The following ARHGAP26 variants were observed in gnomAD, a reference collection of about 807,000 sequenced individuals.
The protein encoded by ARHGAP26 is Rho GTPase activating protein 26.
In ARHGAP26, 38 loss-of-function variants were observed where a neutral mutation model predicts 104.8. That is an observed-to-expected ratio of 0.36 (90% CI 0.28 to 0.48). ARHGAP26 has a LOEUF of 0.48. Among genes scored for constraint, ARHGAP26 ranks in the 20% least tolerant of loss-of-function variants. The pLI is 0.99. For missense variants in ARHGAP26, 704 were observed against 947.9 expected, an observed-to-expected ratio of 0.74 and a Z score of 3.38; for synonymous variants, 341 against 340.0, an observed-to-expected ratio of 1.00 and a Z score of -0.03.
chr5:142,812,424 C>T (rs193148432), intron 1 of ARHGAP26, among the ~76,000 whole-genome samples: 119 of 151,982 alleles, frequency 7.8e-4, no homozygotes, highest in South Asian at 3.7e-3. Context: ...GCAACCTCTG[C>T]CTCCTTGGGT....
intron 12 of ARHGAP26, among the ~76,000 whole-genome samples, chr5:143,017,241 C>T (rs1021661623): frequency 2.0e-5 from 3 of 152,184 alleles, no homozygotes; most frequent in Non-Finnish European, 4.4e-5. Flanking sequence ...TTTCTGAATT[C>T]GTTTGCTTTC....
chr5:142,807,741 A>G (rs1181412592), intron 1 of ARHGAP26, among the ~76,000 whole-genome samples: 1 of 152,094 alleles, frequency 6.6e-6, no homozygotes, highest in Non-Finnish European at 1.5e-5. Context: ...CCTGGTGCTC[A>G]TGGGTATCAG....
intron 20 of ARHGAP26, among the ~76,000 whole-genome samples, chr5:143,164,323 T>G (rs1801657931): frequency 6.6e-6 from 1 of 152,234 alleles, no homozygotes; most frequent in African/African-American, 2.4e-5. Context: ...CAAATTTTCA[T>G]GCAATACCCA....
intron 1 of ARHGAP26, chr5:142,771,306 A>C (rs923607309): frequency 1.6e-6 from 2 of 1,234,358 alleles, no homozygotes; most frequent in African/African-American, 3.1e-5. Context: ...AGAGTTGCTC[A>C]GCCTTGAGTG....
rs1053549557 is a variant in ARHGAP26 at position 143,227,602 on chromosome 5, T to C, written c.*5156T>C. 22 of 229,320 alleles carry C rather than the reference T, an allele frequency of 9.6e-5. No homozygotes were observed. Among genetic ancestry groups the C allele is most frequent in the African/African-American group, 4.4e-4 (20 of 45,202 alleles). The allele number at this position is 229,320 out of a possible 1,614,324, so 14.2% of individuals were successfully genotyped here. A position where few individuals can be genotyped will look rare whatever the true frequency, so the allele number is the denominator to read the frequency against. ...AAGACTCCAACAAGTAATAATTAGC[T>C]TTTTTTCTCCTGCCGCCTACAGTAC... On this transcript the variant is annotated 3_prime_UTR_variant, in exon 23 of 23. Transcript: ENST00000645722.
At position 143,197,803 on chromosome 5, in the gene ARHGAP26, A is replaced by G. The variant is rs1434169709; in HGVS notation, c.1989-9395A>G. ...ATAATCCATCTGGAACACATTTGTT[A>G]TGTATGGTGTGAGGTAGGGGATTCT... On this transcript the variant is annotated intron_variant, in intron 20 of 22. Transcript: ENST00000645722. 5.3e-5 allele frequency among the ~76,000 whole-genome samples: 8 copies of G among 152,302 alleles called. No individual in the cohort carries two copies. The Middle Eastern group carries it at 0.01, about 194-fold the overall frequency.
intron 20 of ARHGAP26, among the ~76,000 whole-genome samples, chr5:143,194,451 C>T (rs1229114416): frequency 3.9e-5 from 6 of 152,044 alleles, no homozygotes; most frequent in African/African-American, 7.2e-5. Flanking sequence ...ATTTGAATTT[C>T]GAAATGTTCA....
intron 11 of ARHGAP26, among the ~76,000 whole-genome samples, chr5:142,954,447 A>C (rs1768882154): frequency 6.6e-6 from 1 of 152,214 alleles, no homozygotes; most frequent in African/African-American, 2.4e-5. Flanking sequence ...GATGAATTAC[A>C]CTTCCCACGC....
chr5:143,006,316 C>CTGTTTTTTTT (rs772059084), intron 11 of ARHGAP26, among the ~76,000 whole-genome samples: 3 of 112,854 alleles, frequency 2.7e-5, no homozygotes, highest in Non-Finnish European at 3.8e-5. Context: ...AGTGTTTTTT[C>CTGTTTTTTTT]TTTTTTTTTT....
chr5:142,834,241 C>T (rs1769106415), intron 1 of ARHGAP26, among the ~76,000 whole-genome samples: 1 of 152,214 alleles, frequency 6.6e-6, no homozygotes, highest in Non-Finnish European at 1.5e-5. Context: ...AGTGAATACA[C>T]TTATGTAATG....
chr5:142,824,203 C>T (rs1378981212), intron 1 of ARHGAP26, among the ~76,000 whole-genome samples: 1 of 152,132 alleles, frequency 6.6e-6, no homozygotes, highest in Non-Finnish European at 1.5e-5. Context: ...ACAGCTGTGT[C>T]CTGGGATGTT....
intron 1 of ARHGAP26, among the ~76,000 whole-genome samples, chr5:142,844,854 CA>C (rs550211748): frequency 0.031 from 2,507 of 80,526 alleles, 12 homozygotes; most frequent in Non-Finnish European, 0.038. Context: ...GACTGCGTCT[CA>C]AAAAAAAAAA....
chr5:143,073,433 G>A (rs1050166829), intron 17 of ARHGAP26, among the ~76,000 whole-genome samples: 5 of 152,126 alleles, frequency 3.3e-5, no homozygotes, highest in African/African-American at 9.7e-5. Flanking sequence ...GTAAAGGAAT[G>A]GGTCAGCCCA....
intron 20 of ARHGAP26, among the ~76,000 whole-genome samples, chr5:143,180,557 A>G (rs2151186368): frequency 1.3e-5 from 2 of 152,326 alleles, no homozygotes; most frequent in Middle Eastern, 6.8e-3. Flanking sequence ...GGTTTAATTG[A>G]CTTACAGTTC....
intron 18 of ARHGAP26, among the ~76,000 whole-genome samples, chr5:143,126,956 C>T (rs1009748351): frequency 6.6e-6 from 1 of 152,168 alleles, no homozygotes; most frequent in African/African-American, 2.4e-5. Context: ...ATGGTTAAAG[C>T]AACCAATATT....
intron 5 of ARHGAP26, among the ~76,000 whole-genome samples, chr5:142,886,700 G>C (rs1321465838): frequency 3.9e-5 from 6 of 151,916 alleles, no homozygotes; most frequent in Admixed American, 3.9e-4. Context: ...CTTGTCAAAT[G>C]TGATTGAAAA....
intron 11 of ARHGAP26, among the ~76,000 whole-genome samples, chr5:142,943,281 C>G (rs1204388708): frequency 6.6e-6 from 1 of 152,182 alleles, no homozygotes; most frequent in Non-Finnish European, 1.5e-5. Context: ...TCCCTGCTGT[C>G]TTAATCCATT....
At chr5:143,193,028 G>A (rs184392387) in intron 20 of ARHGAP26, among the ~76,000 whole-genome samples, 12 of 152,112 alleles carry the variant, frequency 7.9e-5, no homozygotes, top group Admixed American at 6.6e-4. Flanking sequence ...AATATTAAAT[G>A]AAAAATTATA....
At chr5:142,855,649 C>T (rs941577995) in intron 1 of ARHGAP26, among the ~76,000 whole-genome samples, 1 of 152,252 alleles carries the variant, frequency 6.6e-6, no homozygotes, top group Admixed American at 6.5e-5. Context: ...TCTTCATCTT[C>T]TGTCCATCCA....
Sources: allele counts gnomAD v4.1 joint callset (sites outside exome capture counted in the v4.1 genomes callset), GRCh38; gene constraint gnomAD v4.1.1; transcripts MANE v1.5; gene names NCBI Gene and HGNC (gene_info 2026-07-23, HGNC 2026-07-21).